LRP1B: variants seen among roughly 807,000 people sequenced by gnomAD.
The protein encoded by LRP1B is LDL receptor related protein 1B.
LRP1B carries 217 observed loss-of-function variants against 556.6 expected under a neutral mutation model. The ratio of observed to expected loss-of-function variants is 0.39; its 90% confidence interval spans 0.35 to 0.44. The LOEUF (loss-of-function observed/expected upper bound fraction) is 0.44, where lower values mean the gene tolerates loss of function less well. Among genes scored for constraint, LRP1B ranks in the 20% least tolerant of loss-of-function variants. LRP1B has a pLI of 1.00. For synonymous variants in LRP1B, 2,047 were observed against 1,865.8 expected, an observed-to-expected ratio of 1.10 and a Z score of -2.50; for missense variants, 5,053 against 5,620.8, an observed-to-expected ratio of 0.90 and a Z score of 3.23.
intron 7 of LRP1B, among the ~76,000 whole-genome samples, chr2:141,144,836 A>T (rs917071017): frequency 6.6e-6 from 1 of 152,236 alleles, no homozygotes; most frequent in Admixed American, 6.5e-5. Flanking sequence ...AATGTCAATT[A>T]TAATTACATC....
At chr2:140,926,662 A>G (rs902091885) in intron 20 of LRP1B, among the ~76,000 whole-genome samples, 7 of 152,016 alleles carry the variant, frequency 4.6e-5, no homozygotes, top group Admixed American at 1.3e-4. Flanking sequence ...GATTTTTAGG[A>G]CTCATTTGAC....
intron 7 of LRP1B, among the ~76,000 whole-genome samples, chr2:141,093,551 T>C (rs1700223143): frequency 6.6e-6 from 1 of 152,172 alleles, no homozygotes; most frequent in Non-Finnish European, 1.5e-5. Context: ...TGTTTGTTTG[T>C]GTGTTCCTTC....
chr2:141,175,549 T>C (rs1161711291), intron 7 of LRP1B, among the ~76,000 whole-genome samples: 5 of 151,956 alleles, frequency 3.3e-5, no homozygotes, highest in African/African-American at 7.3e-5. Flanking sequence ...AAGGCAAGAG[T>C]TTGGGATCCT....
At chr2:140,797,568 A>C (rs908510308) in intron 32 of LRP1B, among the ~76,000 whole-genome samples, 4 of 152,118 alleles carry the variant, frequency 2.6e-5, no homozygotes, top group African/African-American at 9.7e-5. Flanking sequence ...AAGCAGAACT[A>C]ATTCCTTCAT....
At chr2:141,649,033 G>A (rs750208162) in intron 2 of LRP1B, among the ~76,000 whole-genome samples, 5 of 152,208 alleles carry the variant, frequency 3.3e-5, no homozygotes, top group Non-Finnish European at 5.9e-5. Flanking sequence ...GAAGCCTCCA[G>A]ATGTGATAAT....
intron 67 of LRP1B, among the ~76,000 whole-genome samples, chr2:140,383,538 C>T (rs186225543): frequency 1.3e-4 from 20 of 152,146 alleles, no homozygotes; most frequent in Admixed American, 1.1e-3. Flanking sequence ...TTCTTCTGGC[C>T]TATTCAAAAT....
At chr2:142,115,556 A>ATTTAATATATATAT (rs1559079692) in intron 1 of LRP1B, among the ~76,000 whole-genome samples, 1 of 56,366 alleles carries the variant, frequency 1.8e-5, no homozygotes, top group Non-Finnish European at 3.3e-5. Context: ...TATATATATT[A>ATTTAATATATATAT]TATATGTAAT....
chr2:140,433,499 C>A (rs1686042495), intron 66 of LRP1B, among the ~76,000 whole-genome samples: 2 of 152,070 alleles, frequency 1.3e-5, no homozygotes, highest in South Asian at 2.1e-4. Flanking sequence ...TTTCATTGAG[C>A]CTGCCGCTCA....
intron 3 of LRP1B, among the ~76,000 whole-genome samples, chr2:141,344,933 G>A (rs935584784): frequency 6.6e-5 from 10 of 152,090 alleles, no homozygotes; most frequent in African/African-American, 2.4e-4. Context: ...CAAGGCAAGG[G>A]GAAATTACAG....
chr2:140,985,948 T>A (rs1260495667), intron 17 of LRP1B, among the ~76,000 whole-genome samples: 1 of 151,946 alleles, frequency 6.6e-6, no homozygotes, highest in Non-Finnish European at 1.5e-5. Context: ...CACATTTCCC[T>A]CCCTCTCTTT....
At chr2:141,872,314 C>A (rs9287325) in intron 1 of LRP1B, among the ~76,000 whole-genome samples, 26,212 of 151,746 alleles carry the variant, frequency 0.17, 2,310 homozygotes, top group South Asian at 0.19. Flanking sequence ...GTGATATAAA[C>A]GTTGACTGGA....
intron 77 of LRP1B, among the ~76,000 whole-genome samples, chr2:140,343,585 C>G (rs771227276): frequency 6.6e-6 from 1 of 151,528 alleles, no homozygotes; most frequent in Admixed American, 6.6e-5. Context: ...TTAGCTGACA[C>G]GGTAAGGTCT....
At chr2:140,862,077 T>A (rs1344956931) in intron 27 of LRP1B, among the ~76,000 whole-genome samples, 2 of 152,324 alleles carry the variant, frequency 1.3e-5, no homozygotes, top group Non-Finnish European at 2.9e-5. Flanking sequence ...ATTGAATAAC[T>A]ATGAAAGTTC....
At chr2:141,166,643 T>C (rs1359837876) in intron 7 of LRP1B, among the ~76,000 whole-genome samples, 1 of 151,840 alleles carries the variant, frequency 6.6e-6, no homozygotes, top group Admixed American at 6.6e-5. Context: ...TATTAAACTA[T>C]ATTTTTATAC....
chr2:140,450,642 T>A lies in LRP1B; in HGVS notation c.9983A>T (p.Lys3328Ile). 6.2e-6 allele frequency: 10 copies of A among 1,611,232 alleles called. No homozygotes were observed. Among genetic ancestry groups the A allele is most frequent in the Non-Finnish European group, 8.5e-6 (10 of 1,178,860 alleles). Residue 3328 changes from lysine to isoleucine, a missense_variant, in exon 63 of 91, where the codon AAA becomes ATA. Coordinates refer to ENST00000389484, the MANE Select transcript of LRP1B (RefSeq NM_018557.3). ...TASQFRCKTD[K>I]CIPFWWKCDT... ...ACATTTCCACCAGAATGGAATACAT[T>A]TGTCAGTTTTGCAACGAAACTTAAA...
At chr2:140,558,343 A>G (rs924941248) in intron 43 of LRP1B, among the ~76,000 whole-genome samples, 26 of 152,232 alleles carry the variant, frequency 1.7e-4, no homozygotes, top group African/African-American at 6.0e-4. Context: ...GTCAAAAAGT[A>G]GAAATAACTC....
chr2:140,748,258 T>A (rs1392731651), intron 35 of LRP1B, among the ~76,000 whole-genome samples: 1 of 135,000 alleles, frequency 7.4e-6, no homozygotes, highest in Non-Finnish European at 1.6e-5. Flanking sequence ...CATATATGTA[T>A]ATATTTTCAT....
intron 7 of LRP1B, among the ~76,000 whole-genome samples, chr2:141,064,478 ACTCT>A (rs1450690111): frequency 2.6e-5 from 4 of 152,024 alleles, no homozygotes; most frequent in African/African-American, 7.2e-5. Context: ...GATTGAGATA[ACTCT>A]CTAAGTTTCT....
chr2:141,464,606 A>ATTTTTTTTT lies in LRP1B; in HGVS notation c.343+15789_343+15790insAAAAAAAAA, dbSNP rs71391651. Among the ~76,000 whole-genome samples, 10 of 90,504 alleles carry ATTTTTTTTT rather than the reference A, an allele frequency of 1.1e-4. 1 individual carries two copies. Among genetic ancestry groups the ATTTTTTTTT allele is most frequent in the East Asian group, 2.8e-4 (1 of 3,592 alleles). 59.4% of individuals were successfully genotyped at this position (90,504 alleles called of 152,430 possible). ...TTTGTATATATATATATATATATAT[A>ATTTTTTTTT]TTTTTTTAGTAGAGATGGGGTTTCA... On this transcript the variant is annotated intron_variant, in intron 3 of 90. Transcript: ENST00000389484.
Sources: gnomAD v4.1 joint callset for allele counts (sites outside exome capture counted in the v4.1 genomes callset) on GRCh38, gnomAD v4.1.1 for gene constraint, MANE v1.5 for transcripts, NCBI Gene and HGNC (gene_info 2026-07-23, HGNC 2026-07-21) for gene names.